The following REC114 variants were observed in gnomAD, a reference collection of about 807,000 sequenced individuals.
The protein encoded by REC114 is REC114 meiotic recombination protein.
In REC114, 27 loss-of-function variants were observed where a neutral mutation model predicts 31.3. The ratio of observed to expected loss-of-function variants is 0.86; its 90% confidence interval spans 0.64 to 1.19. The LOEUF is 1.19. Among genes scored for constraint, REC114 ranks in the 50% most tolerant of loss-of-function variants. The probability of loss-of-function intolerance (pLI) is 0.00; values close to 1 mark genes in which losing one functional copy is unlikely to be tolerated. For synonymous variants in REC114, 134 were observed against 127.7 expected (o/e 1.05, Z -0.33); for missense variants, 344 against 326.9 (o/e 1.05, Z -0.40).
intron 2 of REC114, among the ~76,000 whole-genome samples, chr15:73,498,240 T>C (rs1893555562): frequency 6.6e-6 from 1 of 152,132 alleles, no homozygotes; most frequent in Non-Finnish European, 1.5e-5. Context: ...TGATGTGACT[T>C]TTTCCTCATT....
At chr15:73,531,563 A>G (rs1427894538) in intron 2 of REC114, among the ~76,000 whole-genome samples, 4 of 152,206 alleles carry the variant, frequency 2.6e-5, no homozygotes, top group African/African-American at 9.7e-5. Context: ...CTGTGCCAGA[A>G]CTGGGCAAAT....
chr15:73,484,372 G>A (rs1485453998), intron 2 of REC114, among the ~76,000 whole-genome samples: 1 of 152,034 alleles, frequency 6.6e-6, no homozygotes, highest in East Asian at 1.9e-4. Flanking sequence ...TTTGTTGCCT[G>A]CTCAATCCTC....
chr15:73,497,816 G>C (rs993934326), intron 2 of REC114, among the ~76,000 whole-genome samples: 1 of 152,188 alleles, frequency 6.6e-6, no homozygotes, highest in Non-Finnish European at 1.5e-5. Flanking sequence ...TGAAAGTGGA[G>C]AGGAACAGTT....
chr15:73,516,977 C>T (rs1195834992), intron 2 of REC114, among the ~76,000 whole-genome samples: 1 of 152,118 alleles, frequency 6.6e-6, no homozygotes, highest in East Asian at 1.9e-4. Flanking sequence ...GTAAAACACT[C>T]CATCGATTTC....
intron 2 of REC114, among the ~76,000 whole-genome samples, chr15:73,489,490 G>GC (rs1216866747): frequency 1.6e-4 from 25 of 151,980 alleles, no homozygotes; most frequent in African/African-American, 5.5e-4. Flanking sequence ...ACAGGCGTGA[G>GC]CCACCACGCC....
intron 2 of REC114, among the ~76,000 whole-genome samples, chr15:73,517,969 A>G (rs1440574140): frequency 6.6e-6 from 1 of 152,232 alleles, no homozygotes; most frequent in African/African-American, 2.4e-5. Flanking sequence ...GTGTGATCAT[A>G]AAAGCCAAGA....
intron 3 of REC114, among the ~76,000 whole-genome samples, chr15:73,550,731 A>G (rs534826842): frequency 1.3e-5 from 2 of 152,288 alleles, no homozygotes; most frequent in South Asian, 2.1e-4. Context: ...CCCAGAGGGA[A>G]GTGAATTTTA....
At chr15:73,529,074 A>G (rs1894041840) in intron 2 of REC114, among the ~76,000 whole-genome samples, 1 of 152,130 alleles carries the variant, frequency 6.6e-6, no homozygotes, top group Non-Finnish European at 1.5e-5. Context: ...TAAAGGTGTG[A>G]TAATGATTTT....
intron 2 of REC114, among the ~76,000 whole-genome samples, chr15:73,533,465 TC>T (rs1894112936): frequency 7.0e-6 from 1 of 142,606 alleles, no homozygotes; most frequent in Admixed American, 6.8e-5. Flanking sequence ...GGTAAAGAGA[TC>T]AATTCAACAA....
chr15:73,516,110 C>T (rs1294771242), intron 2 of REC114, among the ~76,000 whole-genome samples: 4 of 151,910 alleles, frequency 2.6e-5, no homozygotes, highest in African/African-American at 9.7e-5. Flanking sequence ...CCACAGCCCC[C>T]CAATAGCTAG....
chr15:73,482,866 G>C (rs1434117045), intron 2 of REC114, among the ~76,000 whole-genome samples: 1 of 151,558 alleles, frequency 6.6e-6, no homozygotes, highest in East Asian at 1.9e-4. Context: ...AAGTAGAATT[G>C]CTGGATTATA....
chr15:73,502,599 T>C (rs1479192925), intron 2 of REC114, among the ~76,000 whole-genome samples: 2 of 152,166 alleles, frequency 1.3e-5, no homozygotes, highest in Non-Finnish European at 2.9e-5. Context: ...ATCATCTTCA[T>C]ATTGAATAGG....
At chr15:73,553,877 G>A (rs1894425625) in intron 4 of REC114, among the ~76,000 whole-genome samples, 1 of 152,150 alleles carries the variant, frequency 6.6e-6, no homozygotes, top group Admixed American at 6.5e-5. Flanking sequence ...ACAGGCTTTG[G>A]TATCAAAATG....
intron 2 of REC114, among the ~76,000 whole-genome samples, chr15:73,494,588 A>G (rs1893492200): frequency 6.6e-6 from 1 of 152,218 alleles, no homozygotes; most frequent in Admixed American, 6.5e-5. Context: ...TAAGTATTAA[A>G]AAGAAATGTA....
intron 1 of REC114, among the ~76,000 whole-genome samples, chr15:73,453,229 A>G (rs912502758): frequency 1.3e-5 from 2 of 152,204 alleles, no homozygotes; most frequent in Non-Finnish European, 2.9e-5. Context: ...TTTGCAATCT[A>G]TCCAGCTGAC....
At chr15:73,466,423 A>G (rs923680740) in intron 1 of REC114, among the ~76,000 whole-genome samples, 13 of 151,870 alleles carry the variant, frequency 8.6e-5, no homozygotes, top group Non-Finnish European at 1.5e-4. Context: ...GTGTGGTGGT[A>G]TGCACCTGTA....
In REC114 at chr15:73,540,570, C is replaced by G; in HGVS notation, c.333+2C>G. 1 of 1,609,942 alleles carries G rather than the reference C, an allele frequency of 6.2e-7. No homozygotes were observed. The highest frequency in any genetic ancestry group is 8.5e-7 in the Non-Finnish European group (1 of 1,176,294). On this transcript the variant is annotated splice_donor_variant, in intron 3 of 5. Coordinates refer to ENST00000331090, the MANE Select transcript of REC114 (RefSeq NM_001042367.2). LOFTEE classifies it high-confidence loss of function. Reference sequence around the variant, plus strand: ...CTGTTGTTTGGAACAACGATAAAGGCAAGATTTAAGCTAATGATCACACTC... The same window carrying G: ...CTGTTGTTTGGAACAACGATAAAGGGAAGATTTAAGCTAATGATCACACTC...
chr15:73,556,193 G>A, intron 4 of REC114, 109 bp from the exon 5 acceptor site: 1 of 888,814 alleles, frequency 1.1e-6, no homozygotes, highest in Non-Finnish European at 1.7e-6. Flanking sequence ...ATCACTCTTA[G>A]TGGTATTTTC....
Position 73,525,774 on chromosome 15 carries a change from T to C in REC114, c.250-14711T>C, listed in dbSNP as rs1404294736. Among the ~76,000 whole-genome samples the C allele has an allele frequency of 2.0e-5, 3 of 152,188 alleles. No homozygotes were observed. The East Asian group carries it at 5.8e-4, about 29-fold the overall frequency. On this transcript the variant is annotated intron_variant, in intron 2 of 5. Coordinates refer to ENST00000331090, the MANE Select transcript of REC114 (RefSeq NM_001042367.2). Reference sequence around the variant, plus strand: ...GGAAGGTATGCATATGGTATATCTTTTTGAATGTTTTGTGTGCATTTGAAA... The same window carrying C: ...GGAAGGTATGCATATGGTATATCTTCTTGAATGTTTTGTGTGCATTTGAAA...
Sources: gnomAD v4.1 joint callset for allele counts (sites outside exome capture counted in the v4.1 genomes callset) on GRCh38, gnomAD v4.1.1 for gene constraint, MANE v1.5 for transcripts, NCBI Gene and HGNC (gene_info 2026-07-23, HGNC 2026-07-21) for gene names.